DPP10: variants seen among roughly 807,000 people sequenced by gnomAD.
The protein encoded by DPP10 is inactive dipeptidyl peptidase 10.
DPP10 carries 33 observed loss-of-function variants against 120.9 expected under a neutral mutation model. The observed-to-expected ratio is 0.27, with a 90% confidence interval of 0.21 to 0.37. The LOEUF is 0.37. DPP10 is among the 10% of genes least tolerant of loss of function. The probability of loss-of-function intolerance (pLI) is 1.00; values close to 1 mark genes in which losing one functional copy is unlikely to be tolerated. For missense variants in DPP10, 816 were observed against 942.8 expected, an observed-to-expected ratio of 0.87 and a Z score of 1.76; for synonymous variants, 337 against 326.1, an observed-to-expected ratio of 1.03 and a Z score of -0.36.
chr2:114,617,789 A>G (rs1693787961), intron 1 of DPP10, among the ~76,000 whole-genome samples: 1 of 152,112 alleles, frequency 6.6e-6, no homozygotes, highest in South Asian at 2.1e-4. Context: ...ATTATTTGCT[A>G]TTACATTATG....
intron 1 of DPP10, among the ~76,000 whole-genome samples, chr2:114,749,593 A>G (rs554626572): frequency 1.0e-4 from 15 of 148,120 alleles, no homozygotes; most frequent in Admixed American, 6.8e-4. Context: ...ATTTTATTTT[A>G]TTTTATTTTT....
intron 1 of DPP10, among the ~76,000 whole-genome samples, chr2:114,975,258 G>T (rs1699676339): frequency 6.6e-6 from 1 of 151,958 alleles, no homozygotes; most frequent in Non-Finnish European, 1.5e-5. Context: ...GTTGGCCAAG[G>T]TGGTCTCAAT....
At chr2:115,480,151 T>C (rs1483993861) in intron 3 of DPP10, among the ~76,000 whole-genome samples, 1 of 152,086 alleles carries the variant, frequency 6.6e-6, no homozygotes, top group Non-Finnish European at 1.5e-5. Flanking sequence ...TTAAAGTCTG[T>C]CTCCCATTGG....
chr2:115,734,655 TAAAAAAAA>T (rs55950813), intron 8 of DPP10, among the ~76,000 whole-genome samples: 43,523 of 100,534 alleles, frequency 0.43, 9,735 homozygotes, highest in East Asian at 0.63. Context: ...GACTCTGTCT[TAAAAAAAA>T]AAAAAAAAAA....
At chr2:115,325,007 T>C (rs537820795) in intron 2 of DPP10, among the ~76,000 whole-genome samples, 1 of 152,248 alleles carries the variant, frequency 6.6e-6, no homozygotes, top group African/African-American at 2.4e-5. Context: ...TCATGGTTCA[T>C]GGCTCCCCAA....
intron 3 of DPP10, among the ~76,000 whole-genome samples, chr2:115,451,757 C>A (rs2073124370): frequency 6.6e-6 from 1 of 151,786 alleles, no homozygotes; most frequent in African/African-American, 2.4e-5. Context: ...TAAACAAAAA[C>A]ATTATAAAAA....
At chr2:114,824,673 G>A (rs1171304855) in intron 1 of DPP10, among the ~76,000 whole-genome samples, 1 of 151,910 alleles carries the variant, frequency 6.6e-6, no homozygotes, top group East Asian at 1.9e-4. Context: ...TTGGAGACAG[G>A]AAAGAATATT....
At chr2:115,359,500 A>G (rs747166435) in intron 3 of DPP10, among the ~76,000 whole-genome samples, 1 of 151,944 alleles carries the variant, frequency 6.6e-6, no homozygotes, top group Non-Finnish European at 1.5e-5. Context: ...TGTTATTTTG[A>G]TGGGGTTCTT....
At chr2:115,683,246 G>C (rs940277850) in intron 5 of DPP10, among the ~76,000 whole-genome samples, 1 of 151,878 alleles carries the variant, frequency 6.6e-6, no homozygotes, top group Non-Finnish European at 1.5e-5. Flanking sequence ...AATTTGAAAA[G>C]TCTGCATACT....
chr2:115,412,786 T>C (rs1048071026), intron 3 of DPP10, among the ~76,000 whole-genome samples: 7 of 152,116 alleles, frequency 4.6e-5, no homozygotes, highest in African/African-American at 1.7e-4. Flanking sequence ...CCTTTAACTC[T>C]TACTGAGAGG....
At chr2:114,600,612 G>A (rs1692280484) in intron 1 of DPP10, among the ~76,000 whole-genome samples, 1 of 151,820 alleles carries the variant, frequency 6.6e-6, no homozygotes, top group African/African-American at 2.4e-5. Flanking sequence ...ATATTGCTGT[G>A]ATTTGACTTG....
intron 5 of DPP10, among the ~76,000 whole-genome samples, chr2:115,558,541 A>G (rs76714866): frequency 1.3e-5 from 2 of 152,282 alleles, no homozygotes; most frequent in East Asian, 1.9e-4. Context: ...TTAACAAGCA[A>G]TCAGGGGCAT....
chr2:115,351,983 TTCAAGA>T (rs1404399692), intron 3 of DPP10, among the ~76,000 whole-genome samples: 41 of 152,202 alleles, frequency 2.7e-4, no homozygotes, highest in Admixed American at 1.4e-3. Context: ...AATAGTTTTC[TTCAAGA>T]AAATATTTTT....
intron 1 of DPP10, among the ~76,000 whole-genome samples, chr2:114,800,142 G>T (rs920670405): frequency 6.6e-6 from 1 of 152,148 alleles, no homozygotes; most frequent in Admixed American, 6.5e-5. Flanking sequence ...GGCTATACAC[G>T]ATTAAATGGA....
At chr2:114,840,789 C>G (rs1015515085) in intron 1 of DPP10, among the ~76,000 whole-genome samples, 1 of 152,170 alleles carries the variant, frequency 6.6e-6, no homozygotes, top group East Asian at 1.9e-4. Context: ...TATTGTCACT[C>G]TATTAAACAA....
At chr2:115,468,971 T>TC (rs1360065958) in intron 3 of DPP10, 2 of 234,964 alleles carry the variant, frequency 8.5e-6, no homozygotes, top group Non-Finnish European at 8.4e-6. Context: ...TTTTTTTTTT[T>TC]TCCTCCTGAG....
At chr2:114,643,032 C>A (rs957883437) in intron 1 of DPP10, among the ~76,000 whole-genome samples, 1 of 151,924 alleles carries the variant, frequency 6.6e-6, no homozygotes, top group African/African-American at 2.4e-5. Flanking sequence ...CATATGAGGT[C>A]CTGATTTTGC....
chr2:115,206,453 C>CTGA (rs1372043590), intron 1 of DPP10, among the ~76,000 whole-genome samples: 3 of 152,160 alleles, frequency 2.0e-5, no homozygotes, highest in African/African-American at 7.2e-5. Context: ...CCTCAAAACT[C>CTGA]TGAGAAGCAC....
intron 3 of DPP10, among the ~76,000 whole-genome samples, chr2:115,357,967 A>C (rs1226708272): frequency 2.6e-5 from 4 of 152,052 alleles, no homozygotes; most frequent in African/African-American, 9.7e-5. Flanking sequence ...GAGGCTATAC[A>C]CAGCAGGGGG....
Sources: allele counts gnomAD v4.1 joint callset (sites outside exome capture counted in the v4.1 genomes callset), GRCh38; gene constraint gnomAD v4.1.1; transcripts MANE v1.5; gene names NCBI Gene and HGNC (gene_info 2026-07-23, HGNC 2026-07-21).